The following CCAR1 variants were observed in gnomAD, a reference collection of about 807,000 sequenced individuals.
The protein encoded by CCAR1 is cell division cycle and apoptosis regulator 1.
CCAR1 carries 78 observed loss-of-function variants against 163.8 expected under a neutral mutation model. The ratio of observed to expected loss-of-function variants is 0.48; its 90% CI spans 0.40 to 0.57. The LOEUF (loss-of-function observed/expected upper bound fraction) is 0.57. Ranked by LOEUF, CCAR1 falls within the 20% of genes least tolerant of loss-of-function variation. The probability of loss-of-function intolerance (pLI) is 0.00; values close to 1 mark genes in which losing one functional copy is unlikely to be tolerated. For missense variants in CCAR1, 1,019 were observed against 1,365.2 expected (o/e 0.75, Z 4.00); for synonymous variants, 443 against 460.7 (o/e 0.96, Z 0.49).
Position 68,757,278 on chromosome 10 carries a change from T to C in CCAR1, c.1837-16T>C. The C allele has an allele frequency of 1.5e-6, 2 of 1,350,610 alleles. No individual in the cohort carries two copies. Among genetic ancestry groups the C allele is most frequent in the African/African-American group, 2.9e-5 (2 of 69,082 alleles). The allele number at this position is 1,350,610 out of a possible 1,614,324, so 83.7% of individuals were successfully genotyped here. On this transcript the variant is annotated splice_polypyrimidine_tract_variant and intron_variant, in intron 14 of 24. Transcript: ENST00000265872. ...GGTTTCATAATAGTAATTACATTCT[T>C]AACTTTGTATGTCAGGATGAAGAAG...
At chr10:68,743,627 C>A (rs2056213636) in intron 6 of CCAR1, among the ~76,000 whole-genome samples, 1 of 152,104 alleles carries the variant, frequency 6.6e-6, no homozygotes, top group South Asian at 2.1e-4. Context: ...ACTGCAACCT[C>A]CACCTCCCGG....
rs566196590 is a variant in CCAR1, at chr10:68,771,097, A to C, written c.2299-109A>C. On this transcript the variant is annotated intron_variant, in intron 17 of 24. Coordinates refer to ENST00000265872, the MANE Select transcript of CCAR1 (RefSeq NM_018237.4). ...CATCTCAAAAAAAAAAAAGTTTGAT[A>C]AGTTTACATAATCGTTGTATGTGGC... The C allele has an allele frequency of 1.2e-5, 11 of 927,682 alleles. No individual in the cohort carries two copies. In the East Asian group the frequency reaches 2.9e-4, roughly 24 times the overall value. 57.5% of individuals were successfully genotyped at this position (927,682 alleles called of 1,614,324 possible). A position where few individuals can be genotyped will look rare whatever the true frequency, so the allele number is the denominator to read the frequency against.
intron 2 of CCAR1, among the ~76,000 whole-genome samples, chr10:68,732,857 C>G (rs967824532): frequency 3.3e-5 from 5 of 152,068 alleles, no homozygotes; most frequent in Admixed American, 2.0e-4. Context: ...ACCAGGAGTT[C>G]AAGGCTGCAG....
chr10:68,729,991 C>A (rs1176695586), intron 2 of CCAR1, among the ~76,000 whole-genome samples: 1 of 151,888 alleles, frequency 6.6e-6, no homozygotes, highest in Middle Eastern at 3.2e-3. Context: ...ACAATCTCAG[C>A]TCACTGTAAC....
intron 10 of CCAR1, among the ~76,000 whole-genome samples, chr10:68,751,867 A>G (rs1163532457): frequency 6.6e-6 from 1 of 151,540 alleles, no homozygotes; most frequent in Non-Finnish European, 1.5e-5. Context: ...GTCTCAAAAA[A>G]TAAAAAACTA....
intron 19 of CCAR1, among the ~76,000 whole-genome samples, chr10:68,784,422 A>C (rs1344504808): frequency 6.6e-6 from 1 of 152,096 alleles, no homozygotes; most frequent in Non-Finnish European, 1.5e-5. Context: ...CATGTTGGCC[A>C]GGCTGGTCTC....
chr10:68,772,982 T>G lies in CCAR1; in HGVS notation c.2539-6T>G. 7.6e-7 allele frequency: 1 copy of G among 1,307,966 alleles called. No individual in the cohort carries two copies. The allele number at this position is 1,307,966 out of a possible 1,614,324, so 81.0% of individuals were successfully genotyped here. A position where few individuals can be genotyped will look rare whatever the true frequency, so the allele number is the denominator to read the frequency against. ...AAATAAATAATAAAGGCATTTTAAA[T>G]TATAGAAAGAAGATAAAAGAAAAGA... On this transcript the variant is annotated splice_polypyrimidine_tract_variant and splice_region_variant and intron_variant, in intron 18 of 24. Transcript: ENST00000265872.
chr10:68,769,662 C>G (rs1208659193), intron 17 of CCAR1, among the ~76,000 whole-genome samples: 1 of 152,060 alleles, frequency 6.6e-6, no homozygotes. Context: ...ATAATATAGG[C>G]CAGGCGTGGT....
At chr10:68,781,134 G>C (rs1013434205) in intron 19 of CCAR1, among the ~76,000 whole-genome samples, 13 of 149,220 alleles carry the variant, frequency 8.7e-5, no homozygotes, top group African/African-American at 3.0e-4. Context: ...CGGGAGGCTG[G>C]GGGCATGAGA....
chr10:68,737,981 C>T, intron 4 of CCAR1, 92 bp downstream of exon 4: 1 of 846,064 alleles, frequency 1.2e-6, no homozygotes. Context: ...CTATCAGCTA[C>T]CTTAACATGT....
chr10:68,744,214 G>A (rs1483589416), intron 6 of CCAR1, among the ~76,000 whole-genome samples: 1 of 152,194 alleles, frequency 6.6e-6, no homozygotes, highest in Non-Finnish European at 1.5e-5. Context: ...ATTTTTTCCT[G>A]AAGAAAGGCG....
Position 68,786,558 on chromosome 10 carries a change from A to T in CCAR1, c.2746A>T (p.Thr916Ser). The T allele has an allele frequency of 6.4e-7, 1 of 1,564,888 alleles. No individual in the cohort carries two copies. The highest frequency in any genetic ancestry group is 2.3e-5 in the East Asian group (1 of 44,018). ...TCCATTTTCTTAGGAAAAAGAAAAG[A>T]CTCAAATGATCACAATTAACAGAGA... ...RPSKDKEKEK[T>S]QMITINRDLL... Residue 916 changes from threonine (T) to serine (S), a missense_variant, in exon 21 of 25, where the codon ACT (threonine) becomes TCT (serine). Thr to Ser is a moderately conservative substitution (Grantham distance 58). Around this residue, in one of 4 missense-constraint regions of CCAR1, gnomAD observed 358 missense variants for 406.4 expected, o/e 0.88. Coordinates refer to ENST00000265872, the MANE Select transcript of CCAR1 (RefSeq NM_018237.4).
At chr10:68,786,463 A>T in intron 20 of CCAR1, 83 bp from the exon 21 acceptor site, 1 of 940,878 alleles carries the variant, frequency 1.1e-6, no homozygotes, top group South Asian at 1.8e-5. Context: ...TTGCTATCTT[A>T]TGCACAGTCT....
At chr10:68,781,970 G>C (rs2056741917) in intron 19 of CCAR1, among the ~76,000 whole-genome samples, 2 of 152,182 alleles carry the variant, frequency 1.3e-5, no homozygotes, top group Admixed American at 1.3e-4. Flanking sequence ...TAGGCCAAAA[G>C]CTAGTTTTTT....
chr10:68,766,269 G>A (rs1479866900), intron 17 of CCAR1, among the ~76,000 whole-genome samples, 190 bp downstream of exon 17: 3 of 151,464 alleles, frequency 2.0e-5, no homozygotes, highest in African/African-American at 7.3e-5. Flanking sequence ...TTGGCATGAT[G>A]GTGGCTCACT....
chr10:68,743,034 G>A (rs1292604324), intron 6 of CCAR1, among the ~76,000 whole-genome samples: 1 of 152,150 alleles, frequency 6.6e-6, no homozygotes, highest in East Asian at 1.9e-4. Flanking sequence ...CTGGGTTCAA[G>A]TGATTCTCCT....
chr10:68,737,897 T>C lies in CCAR1; in HGVS notation c.291+8T>C. 1.3e-6 allele frequency: 2 copies of C among 1,577,050 alleles called. No individual in the cohort carries two copies. Among genetic ancestry groups the C allele is most frequent in the Non-Finnish European group, 1.7e-6 (2 of 1,158,914 alleles). ...TATAGTGTGCAACAACAGGTTAGTTTATATTTTCCGTGTTAAAAACTGATT... is the reference window on the plus strand; with the variant it reads ...TATAGTGTGCAACAACAGGTTAGTTCATATTTTCCGTGTTAAAAACTGATT... On this transcript the variant is annotated splice_region_variant and intron_variant, in intron 4 of 24. Transcript: ENST00000265872.
chr10:68,727,278 T>C (rs1014625944), intron 2 of CCAR1, among the ~76,000 whole-genome samples: 1 of 151,912 alleles, frequency 6.6e-6, no homozygotes, highest in Non-Finnish European at 1.5e-5. Flanking sequence ...GGTTTTGCCA[T>C]CTTGCCCAGG....
At chr10:68,726,592 T>TA (rs1356394766) in intron 2 of CCAR1, among the ~76,000 whole-genome samples, 1 of 152,042 alleles carries the variant, frequency 6.6e-6, no homozygotes, top group Non-Finnish European at 1.5e-5. Context: ...TCTAACTGCT[T>TA]ACTTTTATTT....
Sources: gnomAD v4.1 joint callset for allele counts (sites outside exome capture counted in the v4.1 genomes callset) on GRCh38, gnomAD v4.1.1 for gene constraint, gnomAD v4.1.1 regional missense constraint, MANE v1.5 for transcripts, NCBI Gene and HGNC (gene_info 2026-07-23, HGNC 2026-07-21) for gene names.